Variants in ZSWIM9 observed in about 807,000 individuals in gnomAD.
ZSWIM9 encodes zinc finger SWIM-type containing 9.
In ZSWIM9, 11 loss-of-function variants were observed where a neutral mutation model predicts 25.0. The ratio of observed to expected loss-of-function variants is 0.44; its 90% confidence interval spans 0.28 to 0.73. The LOEUF (loss-of-function observed/expected upper bound fraction) is 0.73. Among genes scored for constraint, ZSWIM9 ranks in the 30% least tolerant of loss-of-function variants. The probability of loss-of-function intolerance (pLI) is 0.16; values close to 1 mark genes in which losing one functional copy is unlikely to be tolerated. For missense variants in ZSWIM9, 1,070 were observed against 1,296.5 expected (o/e 0.83, Z 2.68); for synonymous variants, 562 against 582.1 (o/e 0.97, Z 0.50).
At chr19:48,172,198 C>T (rs368184965) in intron 2 of ZSWIM9, 121 bp downstream of exon 2, 7 of 891,408 alleles carry the variant, frequency 7.9e-6, no homozygotes, top group African/African-American at 6.7e-5. Flanking sequence ...CCAACTGAGG[C>T]AGCCAAATAC....
In ZSWIM9 at chr19:48,194,230, T is replaced by C. The variant is rs11083922; in HGVS notation, c.589-423T>C. ...CCCAGAGTTTCAGACTCAGTGGGTC[T>C]GAGGTGGCCCCGAGAAGGTGCATTT... is the stretch of plus-strand genomic sequence containing the variant. On this transcript the variant is annotated intron_variant, in intron 3 of 3. Transcript: ENST00000614654. This position sits in a 1 kb window ranked among gnomAD's most constrained non-coding sequence, Gnocchi z 6.0. Among the ~76,000 whole-genome samples the C allele has an allele frequency of 0.45, 68,839 of 151,878 alleles. 15,886 individuals carry two copies. Among genetic ancestry groups the C allele is most frequent in the African/African-American group, 0.48 (20,020 of 41,406 alleles).
intron 3 of ZSWIM9, among the ~76,000 whole-genome samples, chr19:48,186,204 T>G (rs2037008620): frequency 1.3e-5 from 2 of 152,060 alleles, no homozygotes; most frequent in Admixed American, 1.3e-4. Context: ...TGTCTGTATG[T>G]TTAACTTTAA....
Position 48,182,210 on chromosome 19 carries a change from A to G in ZSWIM9, c.276-245A>G. 3.6e-6 allele frequency: 2 copies of G among 552,194 alleles called. No homozygotes were observed. The highest frequency in any genetic ancestry group is 6.4e-6 in the Non-Finnish European group (2 of 312,758). The allele number at this position is 552,194 out of a possible 1,614,324, so 34.2% of individuals were successfully genotyped here. A position where few individuals can be genotyped will look rare whatever the true frequency, so the allele number is the denominator to read the frequency against. On this transcript the variant is annotated intron_variant, in intron 2 of 3. Coordinates refer to ENST00000614654, the MANE Select transcript of ZSWIM9 (RefSeq NM_199341.4). This position sits in a 1 kb window ranked among gnomAD's most constrained non-coding sequence, Gnocchi z 4.6. The stretch of plus-strand genomic sequence containing the variant: ...TGCTTTACCTATATTAACTCTTTTC[A>G]TGCTCATGACGATCCTATGAGGAAG...
intron 3 of ZSWIM9, chr19:48,187,577 AT>A (rs1434879097): frequency 1.0e-3 from 65 of 64,168 alleles, no homozygotes; most frequent in Admixed American, 2.1e-3. Flanking sequence ...TATTATATAT[AT>A]TATATATTAT....
chr19:48,175,640 G>C (rs925985165), intron 2 of ZSWIM9, among the ~76,000 whole-genome samples: 2 of 152,068 alleles, frequency 1.3e-5, no homozygotes, highest in Non-Finnish European at 2.9e-5. Context: ...GAGACGATGT[G>C]GGGGAGAGAG....
intron 3 of ZSWIM9, among the ~76,000 whole-genome samples, chr19:48,192,840 A>AC (rs2037115162): frequency 6.6e-6 from 1 of 152,006 alleles, no homozygotes; most frequent in African/African-American, 2.4e-5. Context: ...ACACAAGGCG[A>AC]CCCCATCAGT....
chr19:48,183,722 G>A (rs961254345), intron 3 of ZSWIM9, among the ~76,000 whole-genome samples: 6 of 149,220 alleles, frequency 4.0e-5, no homozygotes, highest in East Asian at 2.0e-4. Context: ...CTGCACCCTC[G>A]ATGTCCCAGG....
At chr19:48,187,543 T>TATAATATATATATTA in intron 3 of ZSWIM9, 1 of 50,474 alleles carries the variant, frequency 2.0e-5, no homozygotes, top group South Asian at 5.0e-4. Flanking sequence ...TATTATTATA[T>TATAATATATATATTA]TATATTATAT....
intron 2 of ZSWIM9, among the ~76,000 whole-genome samples, chr19:48,174,224 T>C (rs1238474363): frequency 1.3e-5 from 2 of 152,154 alleles, no homozygotes; most frequent in East Asian, 3.9e-4. Flanking sequence ...TTAGGCTGCC[T>C]GAGACATGCT....
At chr19:48,181,242 A>G (rs1409354275) in intron 2 of ZSWIM9, 2 of 152,194 alleles carry the variant, frequency 1.3e-5, no homozygotes, top group African/African-American at 2.4e-5. Context: ...TCCAGTCCCA[A>G]GAAACCTCCT....
chr19:48,197,332 G>A lies in ZSWIM9; in HGVS notation c.*505G>A. ...AGGAGAGAGGACAAGCAAAGAGACA[G>A]AAATGAAGACATGAGGAAAAGCTGG... On this transcript the variant is annotated 3_prime_UTR_variant, in exon 4 of 4. Transcript: ENST00000614654. The A allele has an allele frequency of 4.3e-6, 3 of 701,034 alleles. No individual in the cohort carries two copies. The highest frequency in any genetic ancestry group is 2.4e-4 in the Middle Eastern group (1 of 4,170). 43.4% of individuals were successfully genotyped at this position (701,034 alleles called of 1,614,324 possible).
chr19:48,183,789 A>G (rs1459014579), intron 3 of ZSWIM9, among the ~76,000 whole-genome samples: 1 of 136,772 alleles, frequency 7.3e-6, no homozygotes, highest in African/African-American at 3.1e-5. Context: ...GGCGTGCACC[A>G]CCACACCCAG....
At position 48,195,177 on chromosome 19, in the gene ZSWIM9, C is replaced by T. The variant is rs995241439; in HGVS notation, c.1113C>T (p.Ala371=). The change falls in exon 4 of 4, where the codon GCC becomes GCT. Residue 371 remains alanine (A), a synonymous_variant. Coordinates refer to ENST00000614654, the MANE Select transcript of ZSWIM9 (RefSeq NM_199341.4). The surrounding 1 kb of genome is among the most constrained non-coding windows in gnomAD (Gnocchi z 5.8). ...CCGAGCTCCACGCCCACGGCCCAGC[C>T]GCCTTCGTGGACTACTTCGAGCGCA... ...ALAELHAHGP[A]AFVDYFERNW... The T allele has an allele frequency of 6.6e-7, 1 of 1,522,646 alleles. No homozygotes were observed. Among genetic ancestry groups the T allele is most frequent in the Non-Finnish European group, 8.8e-7 (1 of 1,139,512 alleles). 94.3% of individuals were successfully genotyped at this position (1,522,646 alleles called of 1,614,324 possible). A position where few individuals can be genotyped will look rare whatever the true frequency, so the allele number is the denominator to read the frequency against.
intron 3 of ZSWIM9, among the ~76,000 whole-genome samples, chr19:48,192,449 C>CAA (rs57895777): frequency 1.4e-3 from 13 of 9,224 alleles, no homozygotes; most frequent in East Asian, 6.2e-3. Flanking sequence ...GACTCTGTCT[C>CAA]AAAAAAAAAA....
At chr19:48,171,044 A>T (rs535402546) in intron 1 of ZSWIM9, among the ~76,000 whole-genome samples, 1 of 152,246 alleles carries the variant, frequency 6.6e-6, no homozygotes, top group Admixed American at 6.5e-5. Flanking sequence ...TACTGGTGAC[A>T]CTTCCGAGGA....
chr19:48,177,296 T>C (rs116727551), intron 2 of ZSWIM9, among the ~76,000 whole-genome samples: 4,708 of 152,116 alleles, frequency 0.031, 169 homozygotes, highest in African/African-American at 0.072. Context: ...TAGGACGTGG[T>C]GATGGATGGT....
intron 3 of ZSWIM9, among the ~76,000 whole-genome samples, chr19:48,185,231 C>T (rs1287785370): frequency 6.6e-6 from 1 of 151,966 alleles, no homozygotes; most frequent in Non-Finnish European, 1.5e-5. Context: ...CCTCCGCCTC[C>T]CGGGTTCAAA....
intron 3 of ZSWIM9, among the ~76,000 whole-genome samples, chr19:48,192,707 A>C (rs578082032): frequency 1.3e-5 from 2 of 151,398 alleles, no homozygotes; most frequent in Admixed American, 6.6e-5. Context: ...GGGGTCCCTA[A>C]GACCACCCTC....
chr19:48,172,128 G>C, intron 2 of ZSWIM9, 51 bp downstream of exon 2: 2 of 1,350,756 alleles, frequency 1.5e-6, no homozygotes, highest in Non-Finnish European at 2.0e-6. Context: ...AGCACCGGGG[G>C]TGGGTGTGGG....
Sources: gnomAD v4.1 joint callset for allele counts (sites outside exome capture counted in the v4.1 genomes callset) on GRCh38, gnomAD v4.1.1 for gene constraint, Gnocchi (gnomAD v3.1) non-coding constraint, MANE v1.5 for transcripts, NCBI Gene and HGNC (gene_info 2026-07-23, HGNC 2026-07-21) for gene names.